Variants in SLC34A1 observed in about 807,000 individuals in gnomAD.
SLC34A1 encodes sodium-dependent phosphate transport protein 2A.
Under a neutral mutation model 51.4 loss-of-function variants are expected in SLC34A1, and 57 were observed. The observed-to-expected ratio is 1.11, with a 90% CI of 0.90 to 1.38. The LOEUF (loss-of-function observed/expected upper bound fraction) is 1.38. Ranked by LOEUF, SLC34A1 falls within the 40% of genes most tolerant of loss-of-function variation. SLC34A1 has a pLI of 0.00. For missense variants in SLC34A1, 796 were observed against 835.6 expected (o/e 0.95, Z 0.58); for synonymous variants, 368 against 358.0 (o/e 1.03, Z -0.32).
At chr5:177,397,738 T>A in intron 12 of SLC34A1, 45 bp from the exon 13 acceptor site, 1 of 1,600,752 alleles carries the variant, frequency 6.2e-7, no homozygotes, top group Non-Finnish European at 8.5e-7. Flanking sequence ...ACACAGGACC[T>A]GGGAGCCAGT....
rs577262148 is a variant in SLC34A1 at position 177,388,456 on chromosome 5, A to G, written c.936+84A>G. 2.5e-6 allele frequency: 3 copies of G among 1,190,588 alleles called. No homozygotes were observed. In the Admixed American group the frequency reaches 5.4e-5, roughly 21 times the overall value. The allele number at this position is 1,190,588 out of a possible 1,614,324, so 73.8% of individuals were successfully genotyped here. On this transcript the variant is annotated intron_variant, in intron 8 of 12. Coordinates refer to ENST00000324417, the MANE Select transcript of SLC34A1 (RefSeq NM_003052.5). The surrounding 1 kb of genome is among the most constrained non-coding windows in gnomAD (Gnocchi z 4.3). ...TGTCTGTTCAAAATGCTCCAGATAGACCTTGAAGATCATTTAGCCAGGAGA... is the reference window on the plus strand; with the variant it reads ...TGTCTGTTCAAAATGCTCCAGATAGGCCTTGAAGATCATTTAGCCAGGAGA...
At chr5:177,390,306 G>C (rs1762758368) in intron 8 of SLC34A1, 1 of 987,220 alleles carries the variant, frequency 1.0e-6, no homozygotes, top group South Asian at 4.6e-5. Flanking sequence ...ACACCGTCCT[G>C]GGAATCACCT....
intron 1 of SLC34A1, among the ~76,000 whole-genome samples, chr5:177,385,411 T>C (rs917548858): frequency 6.6e-6 from 1 of 152,002 alleles, no homozygotes; most frequent in African/African-American, 2.4e-5. Context: ...AATGATCACC[T>C]CACCACCACC....
chr5:177,387,960 C>T (rs761906277), intron 6 of SLC34A1, 34 bp from the exon 7 acceptor site: 18 of 1,611,216 alleles, frequency 1.1e-5, no homozygotes, highest in East Asian at 4.5e-5. Flanking sequence ...TGCACTGGCT[C>T]GAGCCTGCCT....
Position 177,397,078 on chromosome 5 carries a change from C to T in SLC34A1, c.1416+4C>T, listed in dbSNP as rs761042331. 5.6e-6 allele frequency: 9 copies of T among 1,612,434 alleles called. No homozygotes were observed. In the South Asian group the frequency reaches 8.8e-5, roughly 16 times the overall value. On this transcript the variant is annotated splice_donor_region_variant and intron_variant, in intron 12 of 12. Transcript: ENST00000324417. ...GAAGCTGTCCAGCGCTTTCCAGGTG[C>T]GCTGGGAGTGTAGCCTCGCCTGGGG...
Position 177,398,168 on chromosome 5 carries a change from C to T in SLC34A1, c.1802C>T (p.Ala601Val), listed in dbSNP as rs1413853168. The change falls in exon 13 of 13, where the codon GCC (alanine) becomes GTC (valine). Residue 601 changes from alanine (A) to valine (V), a missense_variant. Coordinates refer to ENST00000324417, the MANE Select transcript of SLC34A1 (RefSeq NM_003052.5). The surrounding 1 kb of genome is among the most constrained non-coding windows in gnomAD (Gnocchi z 4.7). Reference sequence around the variant, plus strand: ...ATCACCCGCGCCACCCTATGCTGTGCCAGGCCTGAGCCCCGCTCACCCCCG... The same window carrying T: ...ATCACCCGCGCCACCCTATGCTGTGTCAGGCCTGAGCCCCGCTCACCCCCG... ...HLITRATLCC[A>V]RPEPRSPPLP... 6.2e-7 allele frequency: 1 copy of T among 1,612,614 alleles called. No individual in the cohort carries two copies. Among genetic ancestry groups the T allele is most frequent in the South Asian group, 1.1e-5 (1 of 91,032 alleles).
In SLC34A1 at chr5:177,398,223, A is replaced by G. The variant is rs758107962; in HGVS notation, c.1857A>G (p.Leu619=). The change falls in exon 13 of 13, where the codon CTA becomes CTG. Residue 619 remains leucine (L), a synonymous_variant. Coordinates refer to ENST00000324417, the MANE Select transcript of SLC34A1 (RefSeq NM_003052.5). The surrounding 1 kb of genome is among the most constrained non-coding windows in gnomAD (Gnocchi z 4.7). ...CCCCCAGGGTCTTCCTGGAGGAGCT[A>G]CCCCCTGCCACACCCTCCCCCCGTC... ...PLPPRVFLEE[L]PPATPSPRLA... 4.4e-6 allele frequency: 7 copies of G among 1,598,124 alleles called. No individual in the cohort carries two copies. Among genetic ancestry groups the G allele is most frequent in the Non-Finnish European group, 5.9e-6 (7 of 1,178,978 alleles).
intron 12 of SLC34A1, 197 bp from the exon 13 acceptor site, chr5:177,397,586 G>T (rs979293390): frequency 2.9e-6 from 2 of 680,144 alleles, no homozygotes; most frequent in Non-Finnish European, 5.1e-6. Context: ...TTACCAACTG[G>T]TCTAGAAGTA....
At position 177,397,839 on chromosome 5, in the gene SLC34A1, G is replaced by A; in HGVS notation, c.1473G>A (p.Val491=). 3 of 1,613,474 alleles carry A rather than the reference G, an allele frequency of 1.9e-6. No homozygotes were observed. Among genetic ancestry groups the A allele is most frequent in the Non-Finnish European group, 1.7e-6 (2 of 1,179,978 alleles). ...NISGILLWYP[V]PCTRLPIRMA... ...CGGGTATCCTTCTGTGGTACCCGGT[G>A]CCCTGCACACGCCTGCCCATCCGCA... Residue 491 remains valine, a synonymous_variant, in exon 13 of 13, where the codon GTG becomes GTA. Coordinates refer to ENST00000324417, the MANE Select transcript of SLC34A1 (RefSeq NM_003052.5).
At position 177,396,364 on chromosome 5, in the gene SLC34A1, A is replaced by C. The variant is rs190691811; in HGVS notation, c.1175-369A>C. On this transcript the variant is annotated intron_variant, in intron 10 of 12. Transcript: ENST00000324417. This position sits in a 1 kb window ranked among gnomAD's most constrained non-coding sequence, Gnocchi z 4.0. ...CCTTCAATCCAGGAGCAAAGAGGCCAAGTGGAAGCAACTGCAGTGGGAGCA... is the reference window on the plus strand; with the variant it reads ...CCTTCAATCCAGGAGCAAAGAGGCCCAGTGGAAGCAACTGCAGTGGGAGCA... 6.6e-6 allele frequency among the ~76,000 whole-genome samples: 1 copy of C among 152,182 alleles called. No homozygotes were observed. The highest frequency in any genetic ancestry group is 2.4e-5 in the African/African-American group (1 of 41,448).
At chr5:177,393,117 G>A (rs924088781) in intron 8 of SLC34A1, among the ~76,000 whole-genome samples, 17 of 152,192 alleles carry the variant, frequency 1.1e-4, no homozygotes, top group Non-Finnish European at 1.9e-4. Context: ...TTACCGGCCC[G>A]GACCTGTGGC....
Position 177,397,075 on chromosome 5 carries a change from G to A in SLC34A1, c.1416+1G>A, listed in dbSNP as rs1762993926. The A allele has an allele frequency of 1.9e-6, 3 of 1,612,804 alleles. No homozygotes were observed. The highest frequency in any genetic ancestry group is 3.3e-5 in the Admixed American group (2 of 59,976). ...GGAGAAGCTGTCCAGCGCTTTCCAGGTGCGCTGGGAGTGTAGCCTCGCCTG... is the reference window on the plus strand; with the variant it reads ...GGAGAAGCTGTCCAGCGCTTTCCAGATGCGCTGGGAGTGTAGCCTCGCCTG... On this transcript the variant is annotated splice_donor_variant, in intron 12 of 12. Transcript: ENST00000324417. LOFTEE classifies it high-confidence loss of function.
rs1762944402 is a variant in SLC34A1, at chr5:177,396,107, T to G, written c.1175-626T>G. ...GGTTTTCATTTTAAACTTCATGCAC[T>G]GGGAGGGGCTGCATGACAAGTACTA... On this transcript the variant is annotated intron_variant, in intron 10 of 12. Transcript: ENST00000324417. The surrounding 1 kb of genome is among the most constrained non-coding windows in gnomAD (Gnocchi z 4.0). 6.6e-6 allele frequency among the ~76,000 whole-genome samples: 1 copy of G among 152,084 alleles called. No homozygotes were observed. The highest frequency in any genetic ancestry group is 1.5e-5 in the Non-Finnish European group (1 of 67,996).
At chr5:177,392,624 G>A (rs143970952) in intron 8 of SLC34A1, among the ~76,000 whole-genome samples, 91 of 152,152 alleles carry the variant, frequency 6.0e-4, no homozygotes, top group Middle Eastern at 6.8e-3. Context: ...TGTTGCTTTC[G>A]GGAGTTTTTC....
chr5:177,388,495 G>A lies in SLC34A1; in HGVS notation c.936+123G>A. On this transcript the variant is annotated intron_variant, in intron 8 of 12. Coordinates refer to ENST00000324417, the MANE Select transcript of SLC34A1 (RefSeq NM_003052.5). This position sits in a 1 kb window ranked among gnomAD's most constrained non-coding sequence, Gnocchi z 4.3. ...TTAGCCAGGAGAGGGCAAATATGTG[G>A]CCCTTCTACTGTGCTTACAGTTAAC... 3.7e-6 allele frequency: 3 copies of A among 819,218 alleles called. No individual in the cohort carries two copies. The highest frequency in any genetic ancestry group is 6.2e-6 in the Non-Finnish European group (3 of 486,320). The allele number at this position is 819,218 out of a possible 1,614,324, so 50.7% of individuals were successfully genotyped here.
At chr5:177,387,514 C>G (rs552232794) in intron 5 of SLC34A1, among the ~76,000 whole-genome samples, 6 of 152,234 alleles carry the variant, frequency 3.9e-5, no homozygotes, top group Admixed American at 3.3e-4. Flanking sequence ...AGGCCTCACA[C>G]GCACACACGT....
intron 6 of SLC34A1, 54 bp from the exon 7 acceptor site, chr5:177,387,940 G>A: frequency 6.2e-7 from 1 of 1,610,908 alleles, no homozygotes; most frequent in Non-Finnish European, 8.5e-7. Context: ...AGGAACCCCA[G>A]GCGTGACTGT....
chr5:177,395,586 C>G (rs771246891), intron 10 of SLC34A1, among the ~76,000 whole-genome samples: 14 of 152,140 alleles, frequency 9.2e-5, no homozygotes, highest in Admixed American at 3.3e-4. Context: ...GTAACATGAG[C>G]ACTCAGAAGA....
chr5:177,394,025 C>G lies in SLC34A1; in HGVS notation c.1007-3C>G. The G allele has an allele frequency of 6.2e-7, 1 of 1,613,986 alleles. No individual in the cohort carries two copies. Among genetic ancestry groups the G allele is most frequent in the Non-Finnish European group, 8.5e-7 (1 of 1,180,016 alleles). ...CAGCTGTCAGGAGCTCCACCCCCTG[C>G]AGGCAACCACATCTTTGTGGACACT... On this transcript the variant is annotated splice_polypyrimidine_tract_variant and splice_region_variant and intron_variant, in intron 9 of 12. Coordinates refer to ENST00000324417, the MANE Select transcript of SLC34A1 (RefSeq NM_003052.5).
Sources: gnomAD v4.1 joint callset for allele counts (sites outside exome capture counted in the v4.1 genomes callset) on GRCh38, gnomAD v4.1.1 for gene constraint, Gnocchi (gnomAD v3.1) non-coding constraint, MANE v1.5 for transcripts, NCBI Gene and HGNC (gene_info 2026-07-23, HGNC 2026-07-21) for gene names.